The following SAMD4A variants were observed in gnomAD, a reference collection of about 807,000 sequenced individuals.
SAMD4A encodes the protein sterile alpha motif domain containing 4A.
A neutral mutation model predicts 81.3 loss-of-function variants in SAMD4A; 33 were observed. The observed-to-expected ratio is 0.41, with a 90% CI of 0.31 to 0.54. The LOEUF (loss-of-function observed/expected upper bound fraction) is 0.54, where lower values mean the gene tolerates loss of function less well. Ranked by LOEUF, SAMD4A falls within the 20% of genes least tolerant of loss-of-function variation. The pLI, the probability that SAMD4A is intolerant of heterozygous loss-of-function variation, is 0.37. For missense variants in SAMD4A, 854 were observed against 951.1 expected (o/e 0.90, Z 1.34); for synonymous variants, 389 against 382.1 (o/e 1.02, Z -0.21).
At chr14:54,720,795 C>T (rs144473462) in intron 3 of SAMD4A, among the ~76,000 whole-genome samples, 2 of 152,218 alleles carry the variant, frequency 1.3e-5, no homozygotes, top group East Asian at 1.9e-4. Context: ...CACCAATTTC[C>T]AGCCCCTCCC....
chr14:54,648,631 G>A (rs1378199821), intron 2 of SAMD4A, among the ~76,000 whole-genome samples: 1 of 152,186 alleles, frequency 6.6e-6, no homozygotes, highest in Non-Finnish European at 1.5e-5. Flanking sequence ...CAGTGTGACT[G>A]GAATGGATTG....
At chr14:54,694,705 C>A in intron 2 of SAMD4A, 2 of 985,432 alleles carry the variant, frequency 2.0e-6, no homozygotes, top group South Asian at 9.4e-5. Flanking sequence ...CAGCCTCAGA[C>A]CTCCTGACTG....
chr14:54,761,045 T>C (rs2139864127), intron 7 of SAMD4A, among the ~76,000 whole-genome samples: 1 of 152,338 alleles, frequency 6.6e-6, no homozygotes, highest in African/African-American at 2.4e-5. Context: ...TGGAACTGTT[T>C]TGTTCTCATT....
At chr14:54,777,761 G>A (rs1055237108) in intron 11 of SAMD4A, among the ~76,000 whole-genome samples, 2 of 152,192 alleles carry the variant, frequency 1.3e-5, no homozygotes, top group African/African-American at 4.8e-5. Flanking sequence ...GGAGGGGAGC[G>A]ACAGCTACCC....
intron 4 of SAMD4A, among the ~76,000 whole-genome samples, chr14:54,745,754 G>C: frequency 6.6e-6 from 1 of 152,150 alleles, no homozygotes; most frequent in South Asian, 2.1e-4. Context: ...TGACTTTCTA[G>C]TTTGAGACCC....
chr14:54,736,367 G>C (rs929238600), intron 3 of SAMD4A, among the ~76,000 whole-genome samples: 6 of 152,196 alleles, frequency 3.9e-5, no homozygotes, highest in Non-Finnish European at 8.8e-5. Context: ...GAGGCTAAGG[G>C]AAAGAATCGG....
intron 3 of SAMD4A, among the ~76,000 whole-genome samples, chr14:54,705,372 A>G (rs2036826533): frequency 6.6e-6 from 1 of 152,226 alleles, no homozygotes; most frequent in African/African-American, 2.4e-5. Context: ...ATTCCACTGC[A>G]ATAGAAATTG....
At chr14:54,706,650 A>T (rs1244130726) in intron 3 of SAMD4A, among the ~76,000 whole-genome samples, 1 of 151,772 alleles carries the variant, frequency 6.6e-6, no homozygotes, top group African/African-American at 2.4e-5. Context: ...GGAAAGAAAA[A>T]GCAAGCTTTT....
intron 2 of SAMD4A, among the ~76,000 whole-genome samples, chr14:54,605,611 A>G (rs1029948500): frequency 3.9e-5 from 6 of 152,194 alleles, no homozygotes; most frequent in African/African-American, 1.4e-4. Context: ...CAAAATGCCC[A>G]TCCTGCTAAA....
At position 54,694,715 on chromosome 14, in the gene SAMD4A, G is replaced by A. The variant is rs184255186; in HGVS notation, c.197-7347G>A. The A allele has an allele frequency of 7.1e-6, 7 of 985,382 alleles. No homozygotes were observed. In the Admixed American group the frequency reaches 1.8e-4, roughly 26 times the overall value. The allele number at this position is 985,382 out of a possible 1,614,324, so 61.0% of individuals were successfully genotyped here. The stretch of plus-strand genomic sequence containing the variant: ...ATGGCCAGCCTCAGACCTCCTGACT[G>A]GTCATGGCCAGGAGGTCAGAAATCT... On this transcript the variant is annotated intron_variant, in intron 2 of 12. Transcript: ENST00000554335.
intron 2 of SAMD4A, among the ~76,000 whole-genome samples, chr14:54,635,682 A>G (rs1216311329): frequency 6.6e-6 from 1 of 151,640 alleles, no homozygotes; most frequent in Non-Finnish European, 1.5e-5. Context: ...CAGGAGGTGG[A>G]GTTTGCAGTG....
At chr14:54,632,055 T>C (rs549838757) in intron 2 of SAMD4A, among the ~76,000 whole-genome samples, 1 of 152,300 alleles carries the variant, frequency 6.6e-6, no homozygotes, top group East Asian at 1.9e-4. Context: ...GCTTACATTC[T>C]AGTGGGGTCT....
At position 54,739,908 on chromosome 14, in the gene SAMD4A, G is replaced by A. The variant is rs1260692211; in HGVS notation, c.979+2621G>A. Among the ~76,000 whole-genome samples, 6 of 152,340 alleles carry A rather than the reference G, an allele frequency of 3.9e-5. No individual in the cohort carries two copies. In the South Asian group the frequency reaches 1.2e-3, roughly 32 times the overall value. On this transcript the variant is annotated intron_variant, in intron 4 of 12. Transcript: ENST00000554335. The stretch of plus-strand genomic sequence containing the variant: ...GATATGGCTGGGTGCGGTGGCTCAC[G>A]CCTGTAATCCCAACACTTTGGAAGG...
chr14:54,702,805 G>A (rs1374244888), intron 3 of SAMD4A: 3 of 563,394 alleles, frequency 5.3e-6, no homozygotes, highest in Non-Finnish European at 9.3e-6. Context: ...GTCCAAATTT[G>A]GGTTATAAAC....
At chr14:54,652,847 G>GT (rs1217203316) in intron 2 of SAMD4A, 2 of 152,164 alleles carry the variant, frequency 1.3e-5, no homozygotes, top group Non-Finnish European at 2.9e-5. Context: ...TTTGGTAACT[G>GT]TTTTGGTGAA....
chr14:54,627,088 A>C (rs2034781811), intron 2 of SAMD4A, among the ~76,000 whole-genome samples: 1 of 152,144 alleles, frequency 6.6e-6, no homozygotes, highest in Admixed American at 6.5e-5. Flanking sequence ...AATTCGGAAA[A>C]ATTACATAAC....
chr14:54,784,412 T>C lies in SAMD4A; in HGVS notation c.2045-125T>C, dbSNP rs752268392. 1.9e-5 allele frequency: 30 copies of C among 1,600,182 alleles called. No homozygotes were observed. In the Middle Eastern group the frequency reaches 9.9e-4, roughly 53 times the overall value. ...TTGAGCCTGAGTGGAGCCCCTTCCATGCCAGCGCTGACAGTCCCCAAGTCC... is the reference window on the plus strand; with the variant it reads ...TTGAGCCTGAGTGGAGCCCCTTCCACGCCAGCGCTGACAGTCCCCAAGTCC... On this transcript the variant is annotated intron_variant, in intron 11 of 12. Coordinates refer to ENST00000554335, the MANE Select transcript of SAMD4A (RefSeq NM_015589.6).
intron 4 of SAMD4A, among the ~76,000 whole-genome samples, chr14:54,743,840 C>T (rs17127865): frequency 0.013 from 2,001 of 152,318 alleles, 41 homozygotes; most frequent in African/African-American, 0.046. Context: ...TGCACAAAGG[C>T]TGGAACAGAG....
chr14:54,599,466 T>C (rs2033998114), intron 2 of SAMD4A, among the ~76,000 whole-genome samples: 1 of 152,210 alleles, frequency 6.6e-6, no homozygotes, highest in Non-Finnish European at 1.5e-5. Flanking sequence ...AGAAATATTT[T>C]TTCTCTGCCC....
Sources: allele counts gnomAD v4.1 joint callset (sites outside exome capture counted in the v4.1 genomes callset), GRCh38; gene constraint gnomAD v4.1.1; transcripts MANE v1.5; gene names NCBI Gene and HGNC (gene_info 2026-07-23, HGNC 2026-07-21).